Variants in SORCS3 observed in about 807,000 individuals in gnomAD.
SORCS3 encodes the protein sortilin related VPS10 domain containing receptor 3, also known as VPS10 domain-containing receptor SorCS3.
SORCS3 carries 57 observed loss-of-function variants against 146.3 expected under a neutral mutation model. The ratio of observed to expected loss-of-function variants is 0.39; its 90% CI spans 0.31 to 0.49. The LOEUF is 0.49. Among genes scored for constraint, SORCS3 ranks in the 20% least tolerant of loss-of-function variants. SORCS3 has a pLI of 0.92. For missense variants in SORCS3, 1,341 were observed against 1,575.5 expected (o/e 0.85, Z 2.52); for synonymous variants, 653 against 618.5 (o/e 1.06, Z -0.83).
At chr10:104,956,758 A>G (rs2019496753) in intron 3 of SORCS3, among the ~76,000 whole-genome samples, 1 of 152,190 alleles carries the variant, frequency 6.6e-6, no homozygotes, top group South Asian at 2.1e-4. Flanking sequence ...AATGAATGTG[A>G]GGGAATGATT....
intron 1 of SORCS3, among the ~76,000 whole-genome samples, chr10:104,722,225 A>G (rs146341904): frequency 0.031 from 4,746 of 152,248 alleles, 244 homozygotes; most frequent in African/African-American, 0.11. Context: ...TTCTGCATCT[A>G]TTGAGATAAT....
In SORCS3 at chr10:105,162,643, C is replaced by A. The variant is rs1240209997; in HGVS notation, c.1733-1660C>A. ...CTCTTCAATTGACAGAAGATATTTCCACAAATAGAGTTCACTGTGAGCCTT... is the reference window on the plus strand; with the variant it reads ...CTCTTCAATTGACAGAAGATATTTCAACAAATAGAGTTCACTGTGAGCCTT... On this transcript the variant is annotated intron_variant, in intron 11 of 26. Transcript: ENST00000369701. 2.6e-5 allele frequency among the ~76,000 whole-genome samples: 4 copies of A among 152,134 alleles called. No homozygotes were observed. The East Asian group carries it at 7.7e-4, about 29-fold the overall frequency.
intron 16 of SORCS3, among the ~76,000 whole-genome samples, chr10:105,210,110 G>A (rs1201729389): frequency 6.6e-6 from 1 of 151,968 alleles, no homozygotes; most frequent in Admixed American, 6.6e-5. Context: ...CATTCCTGTT[G>A]TAGATATACA....
rs925218136 is a variant in SORCS3 at position 104,973,612 on chromosome 10, G to T, written c.796-3723G>T. The stretch of plus-strand genomic sequence containing the variant: ...TTTTTCTTTATTAGTCTTGCTAGCG[G>T]TCTATCAATTTTGTTGATCCTTTCA... On this transcript the variant is annotated intron_variant, in intron 3 of 26. Coordinates refer to ENST00000369701, the MANE Select transcript of SORCS3 (RefSeq NM_014978.3). Among the ~76,000 whole-genome samples, 430 of 150,246 alleles carry T rather than the reference G, an allele frequency of 2.9e-3. 1 individual carries two copies. The highest frequency in any genetic ancestry group is 5.3e-3 in the Non-Finnish European group (356 of 67,756).
intron 7 of SORCS3, among the ~76,000 whole-genome samples, chr10:105,120,587 G>A (rs1160155563): frequency 6.6e-6 from 1 of 152,106 alleles, no homozygotes; most frequent in Non-Finnish European, 1.5e-5. Context: ...TACTGTGCAT[G>A]CCCCTTATAA....
intron 2 of SORCS3, among the ~76,000 whole-genome samples, chr10:104,884,336 G>A (rs2018660551): frequency 6.6e-6 from 1 of 152,116 alleles, no homozygotes; most frequent in Admixed American, 6.5e-5. Flanking sequence ...GGCTTACCCT[G>A]GAGGAGACAG....
At chr10:105,033,664 G>C (rs2055285681) in intron 4 of SORCS3, among the ~76,000 whole-genome samples, 1 of 152,186 alleles carries the variant, frequency 6.6e-6, no homozygotes, top group African/African-American at 2.4e-5. Context: ...AGCTATAAGA[G>C]AAGCCTGTTA....
chr10:105,031,123 C>T (rs113192556), intron 4 of SORCS3, among the ~76,000 whole-genome samples: 10 of 151,698 alleles, frequency 6.6e-5, no homozygotes, highest in African/African-American at 2.4e-4. Flanking sequence ...GGTAAACCCC[C>T]GTCTCTAGTA....
chr10:105,126,439 A>G (rs531331202), intron 7 of SORCS3, among the ~76,000 whole-genome samples: 3 of 152,184 alleles, frequency 2.0e-5, no homozygotes, highest in South Asian at 4.1e-4. Flanking sequence ...TGGTTTCTCA[A>G]ATCTTCCAAA....
intron 2 of SORCS3, among the ~76,000 whole-genome samples, chr10:104,883,455 T>C (rs944569555): frequency 4.6e-5 from 7 of 152,180 alleles, no homozygotes; most frequent in Non-Finnish European, 1.0e-4. Flanking sequence ...CTGTGAGTGA[T>C]TCACTGGGAA....
chr10:104,648,649 C>T, intron 1 of SORCS3, among the ~76,000 whole-genome samples: 1 of 152,124 alleles, frequency 6.6e-6, no homozygotes, highest in African/African-American at 2.4e-5. Flanking sequence ...TTGTGAGTCA[C>T]TTTGTAATTT....
intron 4 of SORCS3, among the ~76,000 whole-genome samples, chr10:105,040,207 T>C (rs1252768644): frequency 6.6e-6 from 1 of 152,134 alleles, no homozygotes; most frequent in Non-Finnish European, 1.5e-5. Context: ...TTCTTCCCAA[T>C]GGGATGGTCT....
Position 105,130,862 on chromosome 10 carries a change from A to G in SORCS3, c.1213-8535A>G, listed in dbSNP as rs1053154489. Among the ~76,000 whole-genome samples, 4 of 152,178 alleles carry G rather than the reference A, an allele frequency of 2.6e-5. 1 individual carries two copies. Among genetic ancestry groups the G allele is most frequent in the African/African-American group, 9.7e-5 (4 of 41,444 alleles). On this transcript the variant is annotated intron_variant, in intron 7 of 26. Coordinates refer to ENST00000369701, the MANE Select transcript of SORCS3 (RefSeq NM_014978.3). The stretch of plus-strand genomic sequence containing the variant: ...ACTAAATTCAAAGTCAAACAGTCTA[A>G]CAGAGGAGATGACATGCTGATAGGA...
At chr10:104,795,214 C>T (rs116702754) in intron 1 of SORCS3, among the ~76,000 whole-genome samples, 8 of 152,120 alleles carry the variant, frequency 5.3e-5, no homozygotes, top group African/African-American at 7.2e-5. Context: ...GAAGATATAA[C>T]GAAGTCATCA....
chr10:104,783,047 A>G (rs2017392814), intron 1 of SORCS3, among the ~76,000 whole-genome samples: 1 of 152,238 alleles, frequency 6.6e-6, no homozygotes, highest in African/African-American at 2.4e-5. Flanking sequence ...TGAAATCTGT[A>G]GAAATTACAA....
intron 20 of SORCS3, among the ~76,000 whole-genome samples, chr10:105,240,958 A>ATCTATATC (rs1554889296): frequency 1.7e-4 from 25 of 149,222 alleles, no homozygotes; most frequent in African/African-American, 5.1e-4. Flanking sequence ...ATATATATAT[A>ATCTATATC]TATATCTATA....
intron 13 of SORCS3, among the ~76,000 whole-genome samples, chr10:105,168,475 G>A (rs1412470098): frequency 6.6e-6 from 1 of 152,146 alleles, no homozygotes. Context: ...GTGAATATTT[G>A]GAAGAGTGAA....
chr10:104,752,467 T>C (rs543121878), intron 1 of SORCS3, among the ~76,000 whole-genome samples: 7 of 152,168 alleles, frequency 4.6e-5, no homozygotes, highest in Non-Finnish European at 4.4e-5. Context: ...CCACTGAGGG[T>C]AAGCCTTGCT....
intron 7 of SORCS3, among the ~76,000 whole-genome samples, chr10:105,137,477 T>C (rs1385780761): frequency 6.7e-6 from 1 of 148,750 alleles, no homozygotes; most frequent in Non-Finnish European, 1.5e-5. Flanking sequence ...TATTAGAGTA[T>C]GTGAATTTCA....
Sources: allele counts gnomAD v4.1 joint callset (sites outside exome capture counted in the v4.1 genomes callset), GRCh38; gene constraint gnomAD v4.1.1; transcripts MANE v1.5; gene names NCBI Gene and HGNC (gene_info 2026-07-23, HGNC 2026-07-21).